The following SCN11A variants were observed in gnomAD, a reference collection of about 807,000 sequenced individuals.
The protein encoded by SCN11A is sodium voltage-gated channel alpha subunit 11, also known as sodium channel protein type 11 subunit alpha.
In SCN11A, 122 loss-of-function variants were observed where a neutral mutation model predicts 162.2. The ratio of observed to expected loss-of-function variants is 0.75; its 90% CI spans 0.65 to 0.87. The LOEUF (loss-of-function observed/expected upper bound fraction) is 0.87, where lower values mean the gene tolerates loss of function less well. Ranked by LOEUF, SCN11A falls within the 40% of genes least tolerant of loss-of-function variation. The probability of loss-of-function intolerance (pLI) is 0.00; values close to 1 mark genes in which losing one functional copy is unlikely to be tolerated. For missense variants in SCN11A, 2,015 were observed against 2,181.6 expected, an observed-to-expected ratio of 0.92 and a Z score of 1.52; for synonymous variants, 758 against 751.5, an observed-to-expected ratio of 1.01 and a Z score of -0.14.
In SCN11A at chr3:38,894,766, C is replaced by G. The variant is rs1553636930; in HGVS notation, c.2602G>C (p.Glu868Gln). Residue 868 changes from glutamate (E) to glutamine (Q), a missense_variant, in exon 19 of 30, where the codon GAG becomes CAG. Physicochemically the swap from Glu to Gln is conservative, Grantham distance 29. Coordinates refer to ENST00000302328, the MANE Select transcript of SCN11A (RefSeq NM_001349253.2). Reference sequence around the variant, plus strand: ...TGTGCAGCACAGCCTCCTGCCACCTCTTTTTGCTGTGGTAAGTTTTGCTTC... The same window carrying G: ...TGTGCAGCACAGCCTCCTGCCACCTGTTTTTGCTGTGGTAAGTTTTGCTTC... ...CRKQNLPQQKEVAGGCAAQSK... is the reference protein window; with the variant it reads ...CRKQNLPQQKQVAGGCAAQSK... The G allele has an allele frequency of 1.2e-6, 2 of 1,614,200 alleles. No individual in the cohort carries two copies. Among genetic ancestry groups the G allele is most frequent in the Non-Finnish European group, 1.7e-6 (2 of 1,180,018 alleles).
At chr3:39,047,859 GAA>G (rs1390390079) in intron 1 of SCN11A, among the ~76,000 whole-genome samples, 1 of 152,020 alleles carries the variant, frequency 6.6e-6, no homozygotes, top group Admixed American at 6.6e-5. Context: ...ATCGCTATAC[GAA>G]AAAGACAAAA....
chr3:38,991,446 C>G (rs1157347694), intron 2 of SCN11A, among the ~76,000 whole-genome samples: 1 of 152,164 alleles, frequency 6.6e-6, no homozygotes, highest in African/African-American at 2.4e-5. Flanking sequence ...TCTCTGAGCT[C>G]CCCAACCTTC....
chr3:38,905,595 T>A (rs1200976237), intron 14 of SCN11A, among the ~76,000 whole-genome samples: 1 of 152,236 alleles, frequency 6.6e-6, no homozygotes, highest in Non-Finnish European at 1.5e-5. Context: ...TTTCATTCAC[T>A]GCCAACAAAG....
intron 1 of SCN11A, among the ~76,000 whole-genome samples, chr3:39,047,191 T>C (rs2032206730): frequency 6.6e-6 from 1 of 150,766 alleles, no homozygotes; most frequent in African/African-American, 2.4e-5. Context: ...TATATCAGCC[T>C]TCCAAGTAGC....
At chr3:38,976,039 A>G (rs950219244) in intron 2 of SCN11A, among the ~76,000 whole-genome samples, 3 of 152,236 alleles carry the variant, frequency 2.0e-5, no homozygotes, top group Non-Finnish European at 4.4e-5. Flanking sequence ...TTTTTTAACC[A>G]TAAAATGCAG....
chr3:39,034,823 T>C (rs1378051271), intron 1 of SCN11A, among the ~76,000 whole-genome samples: 1 of 152,070 alleles, frequency 6.6e-6, no homozygotes, highest in Non-Finnish European at 1.5e-5. Flanking sequence ...TAGTGAACAA[T>C]CTGAAGGAAG....
chr3:38,976,940 T>C (rs891923153), intron 2 of SCN11A, among the ~76,000 whole-genome samples: 1 of 152,196 alleles, frequency 6.6e-6, no homozygotes, highest in Non-Finnish European at 1.5e-5. Context: ...GATTTATTAT[T>C]ATATGTAGAA....
intron 7 of SCN11A, among the ~76,000 whole-genome samples, chr3:38,934,025 C>T (rs1179197803): frequency 4.6e-5 from 7 of 152,222 alleles, no homozygotes; most frequent in Non-Finnish European, 8.8e-5. Context: ...CAGCAGACCT[C>T]TCGGCAGAAA....
At chr3:38,872,713 T>G (rs1284606535) in intron 23 of SCN11A, among the ~76,000 whole-genome samples, 2 of 152,200 alleles carry the variant, frequency 1.3e-5, no homozygotes, top group African/African-American at 4.8e-5. Flanking sequence ...CACTGTATTG[T>G]AATCATGTGA....
At chr3:38,899,663 G>T (rs917014972) in intron 17 of SCN11A, among the ~76,000 whole-genome samples, 11 of 152,176 alleles carry the variant, frequency 7.2e-5, no homozygotes, top group African/African-American at 2.7e-4. Flanking sequence ...GTTGCCTAAA[G>T]GGTCATCTCT....
At chr3:38,890,976 A>G (rs1251137697) in intron 19 of SCN11A, among the ~76,000 whole-genome samples, 1 of 152,240 alleles carries the variant, frequency 6.6e-6, no homozygotes, top group Non-Finnish European at 1.5e-5. Flanking sequence ...TAAAATGTCC[A>G]ATTCAAAACA....
At chr3:39,013,945 A>G (rs572897429) in intron 2 of SCN11A, among the ~76,000 whole-genome samples, 3 of 152,384 alleles carry the variant, frequency 2.0e-5, no homozygotes, top group Admixed American at 6.5e-5. Flanking sequence ...TTAAATACAC[A>G]TAACACTGCA....
intron 2 of SCN11A, among the ~76,000 whole-genome samples, chr3:38,975,496 G>T (rs189578871): frequency 1.3e-5 from 2 of 152,178 alleles, no homozygotes; most frequent in Non-Finnish European, 2.9e-5. Context: ...TCAGATCCTC[G>T]TACTGGTCTA....
At chr3:39,011,758 G>A (rs755812591) in intron 2 of SCN11A, among the ~76,000 whole-genome samples, 7 of 152,046 alleles carry the variant, frequency 4.6e-5, no homozygotes, top group Non-Finnish European at 8.8e-5. Flanking sequence ...TGGGGGCGGC[G>A]GGTTCCTAAA....
intron 19 of SCN11A, among the ~76,000 whole-genome samples, chr3:38,889,339 C>T (rs530830360): frequency 3.3e-5 from 5 of 150,706 alleles, no homozygotes; most frequent in South Asian, 2.1e-4. Context: ...GCAGGAGAAT[C>T]GCTTGAACTC....
At chr3:39,042,123 T>G (rs1156641294) in intron 1 of SCN11A, among the ~76,000 whole-genome samples, 1 of 151,756 alleles carries the variant, frequency 6.6e-6, no homozygotes, top group African/African-American at 2.4e-5. Flanking sequence ...ATAAAAATTA[T>G]CTGGGCGTGG....
At chr3:38,944,117 T>C (rs1302908759) in intron 7 of SCN11A, among the ~76,000 whole-genome samples, 1 of 152,166 alleles carries the variant, frequency 6.6e-6, no homozygotes, top group African/African-American at 2.4e-5. Flanking sequence ...ATTAAAATTG[T>C]TTTAAGTCTA....
At chr3:38,936,333 C>T (rs1460635134) in intron 7 of SCN11A, among the ~76,000 whole-genome samples, 3 of 148,558 alleles carry the variant, frequency 2.0e-5, no homozygotes, top group East Asian at 3.9e-4. Flanking sequence ...CCTCTCTCAC[C>T]ACTCCTATTC....
intron 4 of SCN11A, among the ~76,000 whole-genome samples, chr3:38,951,573 G>A (rs1029203350): frequency 3.3e-5 from 5 of 152,386 alleles, no homozygotes; most frequent in South Asian, 2.1e-4. Flanking sequence ...CTCCACCTGC[G>A]GCCCCGGTGC....
Sources: gnomAD v4.1 joint callset for allele counts (sites outside exome capture counted in the v4.1 genomes callset) on GRCh38, gnomAD v4.1.1 for gene constraint, MANE v1.5 for transcripts, NCBI Gene and HGNC (gene_info 2026-07-23, HGNC 2026-07-21) for gene names.